OPCML: variants seen among roughly 807,000 people sequenced by gnomAD.
OPCML encodes the protein opioid-binding protein/cell adhesion molecule.
Under a neutral mutation model 37.8 loss-of-function variants are expected in OPCML, and 13 were observed. The ratio of observed to expected loss-of-function variants is 0.34; its 90% CI spans 0.22 to 0.55. The LOEUF (loss-of-function observed/expected upper bound fraction) is 0.55. OPCML is among the 20% of genes least tolerant of loss of function. The pLI is 0.91. For synonymous variants in OPCML, 176 were observed against 168.8 expected (o/e 1.04, Z -0.33); for missense variants, 341 against 435.6 (o/e 0.78, Z 1.93).
chr11:133,220,756 C>G (rs970939518), intron 1 of OPCML, among the ~76,000 whole-genome samples: 1 of 151,994 alleles, frequency 6.6e-6, no homozygotes, highest in Non-Finnish European at 1.5e-5. Flanking sequence ...TTTTTCTGCC[C>G]CCTCTTCCAT....
intron 2 of OPCML, among the ~76,000 whole-genome samples, chr11:132,749,075 G>T (rs1945745115): frequency 6.6e-6 from 1 of 152,066 alleles, no homozygotes; most frequent in Admixed American, 6.5e-5. Context: ...GGCTATGAGG[G>T]TGGAGCCCTC....
rs188490657 is a variant in OPCML at position 132,657,706 on chromosome 11, G to T, written c.147-387C>A. Among the ~76,000 whole-genome samples, 222 of 152,240 alleles carry T rather than the reference G, an allele frequency of 1.5e-3. 2 individuals carry two copies. Among genetic ancestry groups the T allele is most frequent in the African/African-American group, 4.3e-3 (180 of 41,536 alleles). On this transcript the variant is annotated intron_variant, in intron 2 of 7. Coordinates refer to ENST00000524381, the MANE Select transcript of OPCML (RefSeq NM_001012393.5). The stretch of plus-strand genomic sequence containing the variant: ...AGAGAGTGGATCAGCATTTCAAATA[G>T]GTCACAGATAACCCACAAAGCAAAT...
intron 1 of OPCML, among the ~76,000 whole-genome samples, chr11:133,175,361 G>A (rs1488995421): frequency 6.6e-6 from 1 of 152,028 alleles, no homozygotes; most frequent in Non-Finnish European, 1.5e-5. Context: ...AGCTGGTGGT[G>A]AGAAAGCTCT....
At chr11:132,937,896 T>C (rs1945444473) in intron 2 of OPCML, among the ~76,000 whole-genome samples, 1 of 151,854 alleles carries the variant, frequency 6.6e-6, no homozygotes, top group Non-Finnish European at 1.5e-5. Flanking sequence ...TCTGCCACTC[T>C]GCTTGTTTTC....
chr11:132,895,143 C>A (rs560927380), intron 2 of OPCML, among the ~76,000 whole-genome samples: 110 of 152,292 alleles, frequency 7.2e-4, no homozygotes, highest in Non-Finnish European at 1.3e-3. Context: ...TCTAACAGCA[C>A]AGAGAGCACT....
intron 1 of OPCML, among the ~76,000 whole-genome samples, chr11:133,223,749 A>G (rs2136369898): frequency 6.6e-6 from 1 of 152,348 alleles, no homozygotes; most frequent in Non-Finnish European, 1.5e-5. Context: ...TTTTAAATGC[A>G]TCTCTGCCTT....
intron 1 of OPCML, among the ~76,000 whole-genome samples, chr11:133,121,423 G>T (rs1015890515): frequency 1.0e-3 from 158 of 152,292 alleles, no homozygotes; most frequent in African/African-American, 3.8e-3. Flanking sequence ...ATAGATAAAA[G>T]ATATCCTCGG....
intron 3 of OPCML, among the ~76,000 whole-genome samples, chr11:132,622,857 A>G (rs1471756710): frequency 6.6e-6 from 1 of 152,198 alleles, no homozygotes; most frequent in African/African-American, 2.4e-5. Flanking sequence ...TGCAGTGGAC[A>G]GGAAAAGAAT....
At chr11:132,836,377 T>C (rs1326347294) in intron 2 of OPCML, among the ~76,000 whole-genome samples, 1 of 152,230 alleles carries the variant, frequency 6.6e-6, no homozygotes, top group African/African-American at 2.4e-5. Context: ...CCAGCTCTAG[T>C]AGCCCGGTGT....
At chr11:133,321,635 A>C (rs1943332110) in intron 1 of OPCML, among the ~76,000 whole-genome samples, 1 of 152,176 alleles carries the variant, frequency 6.6e-6, no homozygotes, top group Non-Finnish European at 1.5e-5. Flanking sequence ...AAAGCATAAA[A>C]TCAGGCTTTT....
At chr11:132,951,120 C>CACAA (rs1945849456) in intron 1 of OPCML, among the ~76,000 whole-genome samples, 1 of 152,160 alleles carries the variant, frequency 6.6e-6, no homozygotes, top group Non-Finnish European at 1.5e-5. Context: ...TGGGACTTTA[C>CACAA]ACAAGCTCCT....
intron 2 of OPCML, among the ~76,000 whole-genome samples, chr11:132,922,163 C>T (rs1944829699): frequency 6.6e-6 from 1 of 152,160 alleles, no homozygotes; most frequent in East Asian, 1.9e-4. Context: ...TAGATGTGAG[C>T]CACTACCCCC....
rs979189189 is a variant in OPCML, at chr11:132,480,937, G to A, written c.506-43578C>T. The stretch of plus-strand genomic sequence containing the variant: ...ATCATGCCAAAATGTAAAGACCATC[G>A]AGACTAGGAAGAAACTGCATGAAAT... On this transcript the variant is annotated intron_variant, in intron 4 of 7. Coordinates refer to ENST00000524381, the MANE Select transcript of OPCML (RefSeq NM_001012393.5). Among the ~76,000 whole-genome samples the A allele has an allele frequency of 6.6e-5, 10 of 151,832 alleles. No individual in the cohort carries two copies. The South Asian group carries it at 8.4e-4, about 13-fold the overall frequency.
intron 1 of OPCML, among the ~76,000 whole-genome samples, chr11:133,099,810 G>A (rs1592000608): frequency 6.6e-6 from 1 of 152,086 alleles, no homozygotes; most frequent in African/African-American, 2.4e-5. Context: ...ATAGATTCTG[G>A]ATATCAGCCC....
intron 1 of OPCML, among the ~76,000 whole-genome samples, chr11:133,487,414 A>C (rs939198011): frequency 2.0e-5 from 3 of 152,120 alleles, no homozygotes; most frequent in Non-Finnish European, 4.4e-5. Flanking sequence ...ATTTGTCCTT[A>C]GCTGACTCCT....
intron 1 of OPCML, among the ~76,000 whole-genome samples, chr11:133,186,948 G>T (rs1216906048): frequency 6.6e-6 from 1 of 152,110 alleles, no homozygotes; most frequent in African/African-American, 2.4e-5. Flanking sequence ...GTTGGCGTAG[G>T]AGGGAGGTCA....
intron 1 of OPCML, among the ~76,000 whole-genome samples, chr11:133,337,880 T>C (rs570402291): frequency 3.3e-5 from 5 of 152,136 alleles, no homozygotes; most frequent in East Asian, 1.9e-4. Flanking sequence ...AATTCTGAAA[T>C]TGGGGGCTCA....
At chr11:132,888,937 A>G (rs1015584093) in intron 2 of OPCML, among the ~76,000 whole-genome samples, 1 of 152,122 alleles carries the variant, frequency 6.6e-6, no homozygotes, top group Non-Finnish European at 1.5e-5. Context: ...GATGAAAAGG[A>G]CAAATCAGCC....
chr11:133,395,695 G>A (rs1307620412), intron 1 of OPCML, among the ~76,000 whole-genome samples: 2 of 152,108 alleles, frequency 1.3e-5, no homozygotes, highest in African/African-American at 2.4e-5. Flanking sequence ...GTTCATTGTA[G>A]GTAGATGAAT....
Sources: allele counts gnomAD v4.1 joint callset (sites outside exome capture counted in the v4.1 genomes callset), GRCh38; gene constraint gnomAD v4.1.1; transcripts MANE v1.5; gene names NCBI Gene and HGNC (gene_info 2026-07-23, HGNC 2026-07-21).